CADPS: variants seen among roughly 807,000 people sequenced by gnomAD.
CADPS encodes the protein calcium-dependent secretion activator 1.
Under a neutral mutation model 167.3 loss-of-function variants are expected in CADPS, and 57 were observed. The ratio of observed to expected loss-of-function variants is 0.34; its 90% CI spans 0.28 to 0.42. The LOEUF (loss-of-function observed/expected upper bound fraction) is 0.42. CADPS is among the 20% of genes least tolerant of loss of function. The pLI, the probability that CADPS is intolerant of heterozygous loss-of-function variation, is 1.00. For synonymous variants in CADPS, 676 were observed against 635.3 expected, an observed-to-expected ratio of 1.06 and a Z score of -0.96; for missense variants, 1,414 against 1,738.1, an observed-to-expected ratio of 0.81 and a Z score of 3.32.
chr3:62,771,659 A>G (rs1378362079), intron 1 of CADPS, among the ~76,000 whole-genome samples: 4 of 152,192 alleles, frequency 2.6e-5, no homozygotes, highest in Non-Finnish European at 5.9e-5. Context: ...CTTGTACATC[A>G]AGGTCAGAAT....
At chr3:62,632,236 T>A (rs1443926290) in intron 6 of CADPS, among the ~76,000 whole-genome samples, 1 of 152,136 alleles carries the variant, frequency 6.6e-6, no homozygotes, top group African/African-American at 2.4e-5. Flanking sequence ...CCAAAACATA[T>A]ACAGTGATTA....
chr3:62,575,833 G>A (rs1455632551), intron 8 of CADPS, among the ~76,000 whole-genome samples: 2 of 152,200 alleles, frequency 1.3e-5, no homozygotes, highest in African/African-American at 4.8e-5. Flanking sequence ...GGTGGGATCA[G>A]AGAAAAAGTA....
At chr3:62,509,847 CAA>C in intron 17 of CADPS, among the ~76,000 whole-genome samples, 1 of 152,192 alleles carries the variant, frequency 6.6e-6, no homozygotes, top group East Asian at 1.9e-4. Context: ...CCACATCAGG[CAA>C]AAAGTCTACA....
rs928239380 is a variant in CADPS at position 62,398,998 on chromosome 3, C to A, written c.*408G>T. 6.4e-6 allele frequency: 1 copy of A among 155,058 alleles called. No homozygotes were observed. Among genetic ancestry groups the A allele is most frequent in the African/African-American group, 2.4e-5 (1 of 41,556 alleles). 9.6% of individuals were successfully genotyped at this position (155,058 alleles called of 1,614,324 possible). On this transcript the variant is annotated 3_prime_UTR_variant, in exon 30 of 30. Transcript: ENST00000383710. ...GTTTTAATTAATTTATTTACGTACTCATTTAATTAACTGGCATCCACATAC... is the reference window on the plus strand; with the variant it reads ...GTTTTAATTAATTTATTTACGTACTAATTTAATTAACTGGCATCCACATAC...
chr3:62,452,524 A>ATTGCATT (rs1176346006), intron 26 of CADPS, among the ~76,000 whole-genome samples: 1 of 152,124 alleles, frequency 6.6e-6, no homozygotes, highest in Non-Finnish European at 1.5e-5. Context: ...AATATAGGTT[A>ATTGCATT]TTGCATTTTT....
intron 6 of CADPS, among the ~76,000 whole-genome samples, chr3:62,603,595 T>A (rs1200552065): frequency 6.6e-6 from 1 of 152,218 alleles, no homozygotes; most frequent in Non-Finnish European, 1.5e-5. Flanking sequence ...CATACCTGTA[T>A]AATGGGCTGA....
At chr3:62,764,457 A>C (rs1393889424) in intron 2 of CADPS, among the ~76,000 whole-genome samples, 5 of 152,244 alleles carry the variant, frequency 3.3e-5, no homozygotes, top group Non-Finnish European at 7.3e-5. Flanking sequence ...CTTCTAAAAT[A>C]GATCCAAATA....
intron 1 of CADPS, among the ~76,000 whole-genome samples, chr3:62,854,455 T>C (rs2079254528): frequency 6.6e-6 from 1 of 152,170 alleles, no homozygotes; most frequent in Non-Finnish European, 1.5e-5. Context: ...GACACTCCTA[T>C]TAAAGACAAA....
At chr3:62,643,399 C>A (rs2668230) in intron 6 of CADPS, among the ~76,000 whole-genome samples, 1 of 152,206 alleles carries the variant, frequency 6.6e-6, no homozygotes, top group Admixed American at 6.5e-5. Context: ...AACCAACCTA[C>A]TGACTGAAGA....
intron 6 of CADPS, among the ~76,000 whole-genome samples, chr3:62,643,716 A>G (rs1221611291): frequency 6.6e-6 from 1 of 152,262 alleles, no homozygotes; most frequent in African/African-American, 2.4e-5. Context: ...GTCTGTTAGA[A>G]TAATCAGAAC....
Position 62,544,425 on chromosome 3 carries a change from AAACAACAAC to A in CADPS, c.1966+5469_1966+5477del, listed in dbSNP as rs146758720. 1.2e-4 allele frequency among the ~76,000 whole-genome samples: 18 copies of A among 151,866 alleles called. No individual in the cohort carries two copies. In the South Asian group the frequency reaches 2.9e-3, roughly 25 times the overall value. On this transcript the variant is annotated intron_variant, in intron 11 of 29. Transcript: ENST00000383710. This position sits in a 1 kb window ranked among gnomAD's most constrained non-coding sequence, Gnocchi z 4.4. ...TCGAATCTTTGGAATGGGAAAGGAA[AAACAACAAC>A]AACAACAACAACAACAGCACATTAT...
At chr3:62,715,394 C>CTATCTATT (rs1325465763) in intron 3 of CADPS, among the ~76,000 whole-genome samples, 1 of 134,996 alleles carries the variant, frequency 7.4e-6, no homozygotes, top group Non-Finnish European at 1.6e-5. Flanking sequence ...ATCTATCTAT[C>CTATCTATT]TATCTGTATT....
chr3:62,640,182 A>C (rs1175176515), intron 6 of CADPS, among the ~76,000 whole-genome samples: 1 of 152,186 alleles, frequency 6.6e-6, no homozygotes, highest in Non-Finnish European at 1.5e-5. Context: ...ATCACATTTG[A>C]ATATCAAAGA....
chr3:62,516,891 G>C (rs1247855759), intron 14 of CADPS, among the ~76,000 whole-genome samples: 1 of 152,100 alleles, frequency 6.6e-6, no homozygotes, highest in Non-Finnish European at 1.5e-5. Flanking sequence ...TCAGAGTGGT[G>C]ACATAAGGCT....
intron 6 of CADPS, among the ~76,000 whole-genome samples, chr3:62,607,773 C>T (rs554597734): frequency 4.6e-5 from 7 of 152,288 alleles, no homozygotes; most frequent in African/African-American, 1.4e-4. Flanking sequence ...CCCCTGAGGA[C>T]ACTGTGAGCC....
intron 6 of CADPS, 131 bp from the exon 7 acceptor site, chr3:62,592,879 C>T (rs2086369072): frequency 5.3e-6 from 3 of 561,158 alleles, no homozygotes; most frequent in Non-Finnish European, 9.5e-6. Flanking sequence ...CTCTTCTCCT[C>T]CCCTTCAAAG....
At chr3:62,515,164 C>T (rs1160031994) in intron 16 of CADPS, among the ~76,000 whole-genome samples, 2 of 152,068 alleles carry the variant, frequency 1.3e-5, no homozygotes, top group Non-Finnish European at 2.9e-5. Flanking sequence ...TGTCTTGAGG[C>T]AGACAATGCG....
intron 1 of CADPS, among the ~76,000 whole-genome samples, chr3:62,832,531 G>A (rs1437144523): frequency 6.6e-6 from 1 of 152,188 alleles, no homozygotes; most frequent in Non-Finnish European, 1.5e-5. Flanking sequence ...TCCACCAGAG[G>A]AAATTGTAGA....
chr3:62,480,024 ATCTGGTTTC>A (rs2061796749), intron 22 of CADPS, among the ~76,000 whole-genome samples: 1 of 151,564 alleles, frequency 6.6e-6, no homozygotes, highest in Non-Finnish European at 1.5e-5. Flanking sequence ...TTTGACACCC[ATCTGGTTTC>A]AGAGTTTCAA....
Sources: allele counts gnomAD v4.1 joint callset (sites outside exome capture counted in the v4.1 genomes callset), GRCh38; gene constraint gnomAD v4.1.1; non-coding constraint Gnocchi (gnomAD v3.1); transcripts MANE v1.5; gene names NCBI Gene and HGNC (gene_info 2026-07-23, HGNC 2026-07-21).